Variants in VLDLR observed in about 807,000 individuals in gnomAD.
VLDLR encodes the protein very low-density lipoprotein receptor.
VLDLR carries 81 observed loss-of-function variants against 112.7 expected under a neutral mutation model. The observed-to-expected ratio is 0.72, with a 90% CI of 0.60 to 0.86. The LOEUF (loss-of-function observed/expected upper bound fraction) is 0.86, where lower values mean the gene tolerates loss of function less well. VLDLR is among the 40% of genes least tolerant of loss of function. The probability of loss-of-function intolerance (pLI) is 0.00; values close to 1 mark genes in which losing one functional copy is unlikely to be tolerated. For missense variants in VLDLR, 1,237 were observed against 1,099.4 expected (o/e 1.13, Z -1.77); for synonymous variants, 436 against 384.8 (o/e 1.13, Z -1.56).
intron 16 of VLDLR, 93 bp from the exon 17 acceptor site, chr9:2,651,781 T>G (rs1291077502): frequency 7.3e-7 from 1 of 1,362,888 alleles, no homozygotes; most frequent in African/African-American, 1.4e-5. Context: ...AACATCAATA[T>G]TGGATGCAAA....
At chr9:2,637,663 C>T (rs35106962) in intron 2 of VLDLR, among the ~76,000 whole-genome samples, 167 of 152,262 alleles carry the variant, frequency 1.1e-3, no homozygotes, top group African/African-American at 3.6e-3. Context: ...CATGGAGGGC[C>T]GGGTGCGGTG....
At chr9:2,630,547 A>T (rs994050109) in intron 1 of VLDLR, among the ~76,000 whole-genome samples, 1 of 152,210 alleles carries the variant, frequency 6.6e-6, no homozygotes, top group Non-Finnish European at 1.5e-5. Context: ...TATTCTGGGC[A>T]TGCATCTTGG....
chr9:2,628,484 G>C (rs1817196112), intron 1 of VLDLR, among the ~76,000 whole-genome samples: 1 of 152,172 alleles, frequency 6.6e-6, no homozygotes, highest in Non-Finnish European at 1.5e-5. Context: ...GGAAAAGTCT[G>C]AGGAAATTAG....
At chr9:2,651,561 G>C (rs1268806101) in intron 16 of VLDLR, 63 bp downstream of exon 16, 4 of 1,420,534 alleles carry the variant, frequency 2.8e-6, no homozygotes, top group Non-Finnish European at 4.0e-6. Flanking sequence ...TGTATCTACA[G>C]CTTAAATAAT....
chr9:2,639,717 C>T, intron 2 of VLDLR, 142 bp from the exon 3 acceptor site: 2 of 1,206,604 alleles, frequency 1.7e-6, no homozygotes, highest in Non-Finnish European at 2.4e-6. Context: ...CTGAAGTTTC[C>T]CCTGGATATT....
intron 1 of VLDLR, 26 bp from the exon 2 acceptor site, chr9:2,635,427 T>A (rs756123775): frequency 6.2e-7 from 1 of 1,613,686 alleles, no homozygotes; most frequent in Non-Finnish European, 8.5e-7. Context: ...ATCCTTGCTT[T>A]ACCGAATGTT....
At chr9:2,650,303 A>C (rs778797907) in intron 14 of VLDLR, 67 bp from the exon 15 acceptor site, 7 of 1,603,704 alleles carry the variant, frequency 4.4e-6, no homozygotes, top group Non-Finnish European at 6.0e-6. Context: ...TTCAACATGT[A>C]GAACAAGGCT....
intron 17 of VLDLR, 38 bp downstream of exon 17, chr9:2,651,992 C>T (rs1818372324): frequency 6.3e-7 from 1 of 1,597,334 alleles, no homozygotes; most frequent in Non-Finnish European, 8.6e-7. Context: ...TCAAGAACTT[C>T]TTAGATACCA....
intron 3 of VLDLR, among the ~76,000 whole-genome samples, chr9:2,640,876 G>A (rs944021200): frequency 6.6e-6 from 1 of 152,154 alleles, no homozygotes; most frequent in Non-Finnish European, 1.5e-5. Flanking sequence ...AGAATGACCT[G>A]GTCAAGTCAA....
intron 7 of VLDLR, 109 bp from the exon 8 acceptor site, chr9:2,644,625 G>C (rs1208302253): frequency 7.1e-7 from 1 of 1,406,376 alleles, no homozygotes; most frequent in Admixed American, 1.7e-5. Context: ...GACAAATCGT[G>C]GGTTTGACCA....
At chr9:2,644,153 G>GTTTTTTTTTTTTTTTTTT (rs59793046) in intron 7 of VLDLR, among the ~76,000 whole-genome samples, 194 bp downstream of exon 7, 1 of 96,386 alleles carries the variant, frequency 1.0e-5, no homozygotes, top group South Asian at 3.6e-4. Context: ...TGTTTTTGTT[G>GTTTTTTTTTTTTTTTTTT]TTTTTTTTTT....
At chr9:2,633,580 C>T (rs906924041) in intron 1 of VLDLR, among the ~76,000 whole-genome samples, 1 of 152,078 alleles carries the variant, frequency 6.6e-6, no homozygotes, top group African/African-American at 2.4e-5. Context: ...GTTGTTGTCT[C>T]ATTTTGACTT....
At chr9:2,625,172 T>G (rs10967213) in intron 1 of VLDLR, among the ~76,000 whole-genome samples, 51,261 of 152,050 alleles carry the variant, frequency 0.34, 8,921 homozygotes, top group African/African-American at 0.38. Context: ...ACTTGAGTAG[T>G]TTCATTACAG....
rs2130801524 is a variant in VLDLR, at chr9:2,648,348, G to A, written c.1962+1G>A. The A allele has an allele frequency of 1.2e-6, 2 of 1,614,130 alleles. No individual in the cohort carries two copies. The highest frequency in any genetic ancestry group is 1.7e-6 in the Non-Finnish European group (2 of 1,180,020). On this transcript the variant is annotated splice_donor_variant, in intron 13 of 18. Coordinates refer to ENST00000382100, the MANE Select transcript of VLDLR (RefSeq NM_003383.5). LOFTEE classifies it high-confidence loss of function. ...TCCTCTTGCACTAACAATATTTGAG[G>A]TAAGATGTGTCTCACATCAAAGTGT...
At chr9:2,641,050 C>G (rs1420272920) in intron 3 of VLDLR, among the ~76,000 whole-genome samples, 1 of 152,108 alleles carries the variant, frequency 6.6e-6, no homozygotes, top group African/African-American at 2.4e-5. Context: ...CACTTGACAT[C>G]CAACAGATAA....
chr9:2,647,567 C>T lies in VLDLR; in HGVS notation c.1797C>T (p.Ile599=), dbSNP rs1818131660. 2.5e-6 allele frequency: 4 copies of T among 1,613,978 alleles called. No homozygotes were observed. Among genetic ancestry groups the T allele is most frequent in the South Asian group, 1.1e-5 (1 of 91,072 alleles). ...FDRRPLVTAD[I]QWPNGITLDL... ...GACGTCCACTGGTGACAGCGGATAT[C>T]CAGTGGCCTAACGGAATTACACTTG... Residue 599 remains isoleucine (I), a synonymous_variant, in exon 12 of 19, where the codon ATC becomes ATT. Transcript: ENST00000382100.
chr9:2,628,741 G>A (rs947849129), intron 1 of VLDLR, among the ~76,000 whole-genome samples: 1 of 152,060 alleles, frequency 6.6e-6, no homozygotes, highest in Non-Finnish European at 1.5e-5. Flanking sequence ...TAAGTAATGG[G>A]GCCAATCAAA....
chr9:2,645,623 T>C lies in VLDLR; in HGVS notation c.1362T>C (p.Ile454=), dbSNP rs1045197768. ...IFTNRRDIRK[I]GLERKEYIQL... ...CTAATCGAAGAGACATCAGGAAGAT[T>C]GGCTTAGAGAGGAAAGAATATATCC... Residue 454 remains isoleucine, a synonymous_variant, in exon 10 of 19, where the codon ATT becomes ATC. Transcript: ENST00000382100. The C allele has an allele frequency of 6.2e-6, 10 of 1,614,078 alleles. No individual in the cohort carries two copies. The highest frequency in any genetic ancestry group is 3.3e-5 in the Admixed American group (2 of 60,006).
Position 2,622,170 on chromosome 9 carries a change from G to GCGA in VLDLR, c.-19_-18insGAC. 6.9e-7 allele frequency: 1 copy of GCGA among 1,458,716 alleles called. No homozygotes were observed. The highest frequency in any genetic ancestry group is 1.3e-5 in the South Asian group (1 of 76,858). The allele number at this position is 1,458,716 out of a possible 1,614,324, so 90.4% of individuals were successfully genotyped here. On this transcript the variant is annotated 5_prime_UTR_variant, in exon 1 of 19. Transcript: ENST00000382100. Reference sequence around the variant, plus strand: ...AACGGCGGCGGCGGCGGCGGCGGCGGCACCATCCAGGCGGGCACCATGGGC... The same window carrying GCGA: ...AACGGCGGCGGCGGCGGCGGCGGCGGCGACACCATCCAGGCGGGCACCATGGGC...
Sources: gnomAD v4.1 joint callset for allele counts (sites outside exome capture counted in the v4.1 genomes callset) on GRCh38, gnomAD v4.1.1 for gene constraint, MANE v1.5 for transcripts, NCBI Gene and HGNC (gene_info 2026-07-23, HGNC 2026-07-21) for gene names.